The following PKIB variants were observed in gnomAD, a reference collection of about 807,000 sequenced individuals.
PKIB encodes the protein PKI-beta.
PKIB carries 2 observed loss-of-function variants against 4.5 expected under a neutral mutation model. The observed-to-expected ratio is 0.44, with a 90% CI of 0.18 to 1.39. PKIB has a LOEUF of 1.39. PKIB is among the 40% of genes most tolerant of loss of function. PKIB has a pLI of 0.27. For missense variants in PKIB, 94 were observed against 92.6 expected (o/e 1.02, Z -0.06); for synonymous variants, 38 against 36.0 (o/e 1.06, Z -0.20).
intron 2 of PKIB, among the ~76,000 whole-genome samples, chr6:122,546,954 C>G (rs1772516459): frequency 6.6e-6 from 1 of 152,008 alleles, no homozygotes; most frequent in African/African-American, 2.4e-5. Context: ...CACAGAGATA[C>G]AGGGGAAGAA....
At chr6:122,486,511 T>G (rs1268187614) in intron 2 of PKIB, among the ~76,000 whole-genome samples, 1 of 152,126 alleles carries the variant, frequency 6.6e-6, no homozygotes, top group African/African-American at 2.4e-5. Context: ...TCATCCTCTA[T>G]GTTCCAATAG....
intron 3 of PKIB, among the ~76,000 whole-genome samples, chr6:122,589,837 C>T (rs978174118): frequency 6.6e-6 from 1 of 152,152 alleles, no homozygotes; most frequent in Non-Finnish European, 1.5e-5. Flanking sequence ...TTTTTACCAA[C>T]AGAGCCAATT....
At chr6:122,577,602 A>G (rs539215032) in intron 2 of PKIB, among the ~76,000 whole-genome samples, 4 of 152,290 alleles carry the variant, frequency 2.6e-5, no homozygotes, top group Non-Finnish European at 5.9e-5. Context: ...ATCTCATTTT[A>G]TATGGGGAAG....
intron 1 of PKIB, among the ~76,000 whole-genome samples, chr6:122,472,994 C>T (rs540700426): frequency 1.3e-5 from 2 of 152,266 alleles, no homozygotes; most frequent in African/African-American, 2.4e-5. Flanking sequence ...CGCATGTAAT[C>T]CCAGCTACTC....
chr6:122,625,639 AAAT>A (rs544711324), intron 1 of PKIB, among the ~76,000 whole-genome samples: 23 of 151,836 alleles, frequency 1.5e-4, no homozygotes, highest in African/African-American at 4.8e-4. Flanking sequence ...CTGTCTCCAA[AAAT>A]AATAATAATA....
intron 1 of PKIB, among the ~76,000 whole-genome samples, chr6:122,614,342 T>C (rs1774894549): frequency 1.3e-5 from 2 of 152,218 alleles, no homozygotes; most frequent in Admixed American, 6.5e-5. Context: ...GTAGCCAAGA[T>C]AGTTTTAATG....
intron 2 of PKIB, among the ~76,000 whole-genome samples, chr6:122,547,413 G>T (rs1265009498): frequency 6.6e-6 from 1 of 152,006 alleles, no homozygotes; most frequent in Non-Finnish European, 1.5e-5. Context: ...TCAGCTCACT[G>T]CAACCTCCGC....
chr6:122,695,779 C>A (rs954410758), intron 3 of PKIB, among the ~76,000 whole-genome samples: 1 of 152,096 alleles, frequency 6.6e-6, no homozygotes, highest in African/African-American at 2.4e-5. Flanking sequence ...TAAATCCTAG[C>A]TTAGGGCAAG....
At chr6:122,625,476 A>G (rs1775399311) in intron 1 of PKIB, among the ~76,000 whole-genome samples, 1 of 152,086 alleles carries the variant, frequency 6.6e-6, no homozygotes. Flanking sequence ...TTTTATGTAA[A>G]TTAAAAAGCT....
At chr6:122,692,993 C>T (rs1259238251) in intron 3 of PKIB, among the ~76,000 whole-genome samples, 1 of 152,202 alleles carries the variant, frequency 6.6e-6, no homozygotes, top group Non-Finnish European at 1.5e-5. Context: ...GCTTTCTCTC[C>T]ACGTTCCATA....
intron 1 of PKIB, among the ~76,000 whole-genome samples, chr6:122,618,364 T>C: frequency 6.6e-6 from 1 of 152,104 alleles, no homozygotes; most frequent in East Asian, 1.9e-4. Context: ...TTGTCAACCC[T>C]TTATCATTAC....
chr6:122,616,675 G>C (rs953142413), intron 1 of PKIB, among the ~76,000 whole-genome samples: 7 of 151,876 alleles, frequency 4.6e-5, no homozygotes, highest in Non-Finnish European at 1.5e-5. Context: ...TTTTCAATCT[G>C]TAGTAGAAGC....
intron 2 of PKIB, among the ~76,000 whole-genome samples, chr6:122,503,830 T>G (rs571494120): frequency 9.9e-5 from 15 of 152,250 alleles, no homozygotes; most frequent in African/African-American, 3.6e-4. Context: ...CTGGGGACTC[T>G]GACACCAAAT....
At position 122,598,335 on chromosome 6, in the gene PKIB, C is replaced by A. The variant is rs745909993; in HGVS notation, c.-161+12328C>A. 2.0e-5 allele frequency among the ~76,000 whole-genome samples: 3 copies of A among 152,078 alleles called. No homozygotes were observed. The East Asian group carries it at 5.8e-4, about 29-fold the overall frequency. On this transcript the variant is annotated intron_variant, in intron 3 of 6. Coordinates refer to the PKIB transcript ENST00000392491. ...AACACTGTGATTAATTAGCCAATGC[C>A]AGAGCTCTACACAAGTCAGACTATT... is the stretch of plus-strand genomic sequence containing the variant.
chr6:122,711,805 CTT>C (rs921699062), intron 3 of PKIB, among the ~76,000 whole-genome samples: 3 of 152,052 alleles, frequency 2.0e-5, no homozygotes, highest in Non-Finnish European at 2.9e-5. Flanking sequence ...ATTAATTTGA[CTT>C]TGCATTTTGA....
intron 2 of PKIB, among the ~76,000 whole-genome samples, chr6:122,553,378 C>T (rs1207986154): frequency 6.6e-6 from 1 of 151,754 alleles, no homozygotes; most frequent in Non-Finnish European, 1.5e-5. Flanking sequence ...TCCACAAAGC[C>T]GATTGATATC....
At position 122,725,807 on chromosome 6, in the gene PKIB, A is replaced by AT. The variant is rs60661199; in HGVS notation, c.*619dup. 0.42 allele frequency: 64,406 copies of AT among 151,886 alleles called. 15,240 individuals are homozygous for AT. Among genetic ancestry groups the AT allele is most frequent in the East Asian group, 0.64 (3,320 of 5,166 alleles). The allele number at this position is 151,886 out of a possible 1,614,324, so 9.4% of individuals were successfully genotyped here. A position where few individuals can be genotyped will look rare whatever the true frequency, so the allele number is the denominator to read the frequency against. On this transcript the variant is annotated 3_prime_UTR_variant, in exon 5 of 5. Transcript: ENST00000368452. Reference sequence around the variant, plus strand: ...TTGCTTCTAGTATGTGCCTACTGTGATTTTTTTCATGTGGAAAATGCAAAA... The same window carrying AT: ...TTGCTTCTAGTATGTGCCTACTGTGATTTTTTTTCATGTGGAAAATGCAAAA...
intron 3 of PKIB, among the ~76,000 whole-genome samples, chr6:122,595,965 C>G (rs1399011653): frequency 6.6e-6 from 1 of 152,216 alleles, no homozygotes; most frequent in Non-Finnish European, 1.5e-5. Context: ...TTTGACCACT[C>G]AGAGAGGTCC....
intron 1 of PKIB, among the ~76,000 whole-genome samples, chr6:122,621,690 G>A (rs140117098): frequency 2.6e-5 from 4 of 152,362 alleles, no homozygotes; most frequent in African/African-American, 9.6e-5. Context: ...AAGGGACAGT[G>A]ACAGGAGATG....
Sources: allele counts gnomAD v4.1 joint callset (sites outside exome capture counted in the v4.1 genomes callset), GRCh38; gene constraint gnomAD v4.1.1; transcripts MANE v1.5; gene names NCBI Gene and HGNC (gene_info 2026-07-23, HGNC 2026-07-21).